RIMS2: variants seen among roughly 807,000 people sequenced by gnomAD.
RIMS2 encodes regulating synaptic membrane exocytosis 2.
RIMS2 carries 59 observed loss-of-function variants against 174.4 expected under a neutral mutation model. The observed-to-expected ratio is 0.34, with a 90% CI of 0.27 to 0.42. The LOEUF is 0.42. Ranked by LOEUF, RIMS2 falls within the 10% of genes least tolerant of loss-of-function variation. The pLI is 1.00. For synonymous variants in RIMS2, 606 were observed against 572.5 expected, an observed-to-expected ratio of 1.06 and a Z score of -0.84; for missense variants, 1,620 against 1,666.3, an observed-to-expected ratio of 0.97 and a Z score of 0.48.
chr8:103,921,993 A>G (rs1188981118), intron 10 of RIMS2: 1 of 319,116 alleles, frequency 3.1e-6, no homozygotes, highest in Admixed American at 4.5e-5. Flanking sequence ...GAAATTTAAT[A>G]AAAGTTACAT....
intron 3 of RIMS2, among the ~76,000 whole-genome samples, chr8:103,874,782 C>T (rs939918024): frequency 6.6e-6 from 1 of 151,980 alleles, no homozygotes; most frequent in African/African-American, 2.4e-5. Context: ...TAGTTGATAT[C>T]CCTCTTTTAA....
At chr8:103,668,749 T>C (rs933648469) in intron 1 of RIMS2, among the ~76,000 whole-genome samples, 1 of 151,988 alleles carries the variant, frequency 6.6e-6, no homozygotes, top group Non-Finnish European at 1.5e-5. Flanking sequence ...GGCACAGTTG[T>C]AGCTCAGTGT....
chr8:104,247,638 A>G (rs1397669020), intron 20 of RIMS2, among the ~76,000 whole-genome samples: 1 of 152,242 alleles, frequency 6.6e-6, no homozygotes, highest in Non-Finnish European at 1.5e-5. Flanking sequence ...TGAGATTACC[A>G]TTTATCAAGA....
intron 3 of RIMS2, among the ~76,000 whole-genome samples, chr8:103,869,104 C>T (rs376788483): frequency 8.0e-4 from 121 of 151,808 alleles, no homozygotes; most frequent in African/African-American, 2.8e-3. Flanking sequence ...GGAGTGTTCA[C>T]ATTGTGTTTA....
intron 19 of RIMS2, among the ~76,000 whole-genome samples, chr8:104,162,280 G>A (rs143369496): frequency 5.0e-4 from 76 of 152,216 alleles, no homozygotes; most frequent in Middle Eastern, 6.8e-3. Context: ...GGGAGTCAAT[G>A]CAAATAGAAA....
chr8:104,198,265 G>A (rs1418312521), intron 19 of RIMS2, among the ~76,000 whole-genome samples: 3 of 152,190 alleles, frequency 2.0e-5, no homozygotes, highest in Non-Finnish European at 4.4e-5. Context: ...CGCAAAAAGA[G>A]ACACTCCGTG....
chr8:103,984,160 C>A (rs1315505504), intron 16 of RIMS2, among the ~76,000 whole-genome samples: 1 of 151,212 alleles, frequency 6.6e-6, no homozygotes, highest in East Asian at 1.9e-4. Context: ...GGCGACAGAG[C>A]GAGACTCCAT....
chr8:103,697,866 A>G (rs996557682), intron 2 of RIMS2, among the ~76,000 whole-genome samples: 4 of 151,980 alleles, frequency 2.6e-5, no homozygotes, highest in Admixed American at 6.6e-5. Context: ...GTCTACTAAA[A>G]ATACAAGAGT....
At chr8:103,812,652 G>T (rs965932507) in intron 3 of RIMS2, among the ~76,000 whole-genome samples, 1 of 152,112 alleles carries the variant, frequency 6.6e-6, no homozygotes, top group African/African-American at 2.4e-5. Context: ...AAAGTGTTGT[G>T]ATAACAGGCA....
chr8:104,181,745 A>C (rs2098941093), intron 19 of RIMS2, among the ~76,000 whole-genome samples: 1 of 151,782 alleles, frequency 6.6e-6, no homozygotes, highest in South Asian at 2.1e-4. Context: ...TACCAAATTA[A>C]AATTGAAAAA....
intron 2 of RIMS2, among the ~76,000 whole-genome samples, chr8:103,754,816 T>C (rs1180342362): frequency 6.6e-6 from 1 of 152,192 alleles, no homozygotes; most frequent in Non-Finnish European, 1.5e-5. Flanking sequence ...CTTGAGCCTA[T>C]ATGTGTCTCT....
At chr8:103,835,970 T>C (rs1334961499) in intron 3 of RIMS2, among the ~76,000 whole-genome samples, 1 of 152,208 alleles carries the variant, frequency 6.6e-6, no homozygotes, top group Non-Finnish European at 1.5e-5. Flanking sequence ...GCAAGATTGG[T>C]ATGACTGATC....
intron 15 of RIMS2, among the ~76,000 whole-genome samples, chr8:103,963,388 G>C (rs2090806149): frequency 6.6e-6 from 1 of 152,112 alleles, no homozygotes; most frequent in African/African-American, 2.4e-5. Flanking sequence ...GTCAAATTCA[G>C]AGTATCAATT....
At chr8:104,093,551 T>C (rs2097699379) in intron 19 of RIMS2, 2 of 1,597,206 alleles carry the variant, frequency 1.3e-6, no homozygotes, top group Non-Finnish European at 1.7e-6. Flanking sequence ...GTGATATATC[T>C]GCGGTTTCAA....
At chr8:104,223,924 G>T in intron 19 of RIMS2, 1 of 727,764 alleles carries the variant, frequency 1.4e-6, no homozygotes, top group Non-Finnish European at 2.2e-6. Context: ...ACTGTGCCGG[G>T]GGCGACAGCC....
At chr8:104,084,726 C>T (rs1223157961) in intron 19 of RIMS2, among the ~76,000 whole-genome samples, 2 of 151,966 alleles carry the variant, frequency 1.3e-5, no homozygotes, top group African/African-American at 2.4e-5. Context: ...TTTATTTCAT[C>T]ATGGACTATG....
chr8:103,695,438 C>A (rs1038930129), intron 1 of RIMS2, among the ~76,000 whole-genome samples: 1 of 151,754 alleles, frequency 6.6e-6, no homozygotes, highest in Non-Finnish European at 1.5e-5. Context: ...GTTTAATTTT[C>A]TATTTTCTTA....
At chr8:103,850,202 A>G (rs1350221824) in intron 3 of RIMS2, among the ~76,000 whole-genome samples, 2 of 152,088 alleles carry the variant, frequency 1.3e-5, no homozygotes, top group Non-Finnish European at 2.9e-5. Flanking sequence ...CTGTTTAAAT[A>G]TAGTCATTCA....
At chr8:103,702,999 T>TTTTTA (rs2097184755) in intron 2 of RIMS2, among the ~76,000 whole-genome samples, 2 of 151,042 alleles carry the variant, frequency 1.3e-5, no homozygotes, top group African/African-American at 4.9e-5. Flanking sequence ...TTTTTTTTTT[T>TTTTTA]GAGACAAGAT....
Sources: allele counts gnomAD v4.1 joint callset (sites outside exome capture counted in the v4.1 genomes callset), GRCh38; gene constraint gnomAD v4.1.1; transcripts MANE v1.5; gene names NCBI Gene and HGNC (gene_info 2026-07-23, HGNC 2026-07-21).